WFDC3: variants seen among roughly 807,000 people sequenced by gnomAD.
The protein encoded by WFDC3 is WAP four-disulfide core domain protein 3.
In WFDC3, 15 loss-of-function variants were observed where a neutral mutation model predicts 25.8. The observed-to-expected ratio is 0.58, with a 90% CI of 0.39 to 0.89. WFDC3 has a LOEUF of 0.89. Ranked by LOEUF, WFDC3 falls within the 40% of genes least tolerant of loss-of-function variation. WFDC3 has a pLI of 0.00. For synonymous variants in WFDC3, 103 were observed against 107.1 expected, an observed-to-expected ratio of 0.96 and a Z score of 0.24; for missense variants, 264 against 289.8, an observed-to-expected ratio of 0.91 and a Z score of 0.65.
intron 2 of WFDC3, among the ~76,000 whole-genome samples, chr20:45,789,505 CAAA>C (rs112440465): frequency 7.4e-6 from 1 of 134,922 alleles, no homozygotes. Flanking sequence ...GACTCCATCT[CAAA>C]AAAAAAAAAA....
intron 5 of WFDC3, among the ~76,000 whole-genome samples, chr20:45,776,635 A>AAT (rs71181857): frequency 5.9e-4 from 55 of 92,920 alleles, no homozygotes; most frequent in Non-Finnish European, 9.0e-4. Flanking sequence ...AAAAAAAAAA[A>AAT]ATATATATAT....
intron 4 of WFDC3, among the ~76,000 whole-genome samples, chr20:45,784,497 T>G (rs1366782904): frequency 6.6e-6 from 1 of 152,216 alleles, no homozygotes; most frequent in African/African-American, 2.4e-5. Flanking sequence ...ATCCCAGCAC[T>G]TTGGGAGGCC....
chr20:45,791,347 A>C (rs1251081408), intron 1 of WFDC3, among the ~76,000 whole-genome samples: 1 of 128,628 alleles, frequency 7.8e-6, no homozygotes. Context: ...CCCAGGCTGG[A>C]GTGCAGTGGC....
At chr20:45,776,656 A>ATGTGTGTGTGTGTGTG (rs1482229487) in intron 5 of WFDC3, among the ~76,000 whole-genome samples, 1 of 104,938 alleles carries the variant, frequency 9.5e-6, no homozygotes, top group African/African-American at 3.6e-5. Flanking sequence ...ATATATATAT[A>ATGTGTGTGTGTGTGTG]TATATGTGTG....
chr20:45,779,559 G>A (rs1239886746), intron 4 of WFDC3, among the ~76,000 whole-genome samples: 2 of 152,044 alleles, frequency 1.3e-5, no homozygotes, highest in Non-Finnish European at 2.9e-5. Flanking sequence ...ACCACCAAAT[G>A]CATCTCCCTG....
chr20:45,777,123 A>G lies in WFDC3; in HGVS notation c.445T>C (p.Cys149Arg). 1 of 1,612,264 alleles carries G rather than the reference A, an allele frequency of 6.2e-7. No homozygotes were observed. Among genetic ancestry groups the G allele is most frequent in the Non-Finnish European group, 8.5e-7 (1 of 1,179,184 alleles). The change falls in exon 5 of 7, where the codon TGC becomes CGC. Residue 149 changes from cysteine to arginine, a missense_variant. Cys to Arg is a radical substitution (Grantham distance 180). Coordinates refer to ENST00000243938, the MANE Select transcript of WFDC3 (RefSeq NM_080614.2). ...GTGCGGCCACAGCCGGTGCTGCAGC[A>G]TTTATGCCCCTGGGGACAGGATGCA... ...GDASCPQGHK[C>R]CSTGCGRTCL... is the part of the protein sequence containing the mutation.
intron 4 of WFDC3, among the ~76,000 whole-genome samples, chr20:45,786,533 T>C (rs769127815): frequency 6.6e-6 from 1 of 152,224 alleles, no homozygotes; most frequent in Non-Finnish European, 1.5e-5. Flanking sequence ...TTCTCTGCCA[T>C]GAGACTATGA....
Position 45,774,319 on chromosome 20 carries a change from G to C in WFDC3, c.*109C>G. On this transcript the variant is annotated 3_prime_UTR_variant, in exon 7 of 7. Transcript: ENST00000243938. ...GGCAGGAGGAGAAGCAGAGCAGAGA[G>C]GGCCATGAGTGCCCCTGGAAATGTC... 1 of 1,456,970 alleles carries C rather than the reference G, an allele frequency of 6.9e-7. No homozygotes were observed. The allele number at this position is 1,456,970 out of a possible 1,614,324, so 90.3% of individuals were successfully genotyped here.
At chr20:45,786,921 C>A (rs1980692637) in intron 4 of WFDC3, among the ~76,000 whole-genome samples, 1 of 151,600 alleles carries the variant, frequency 6.6e-6, no homozygotes, top group Non-Finnish European at 1.5e-5. Flanking sequence ...GACGAAAACC[C>A]GTCTCTACTA....
chr20:45,778,208 T>C (rs551120360), intron 4 of WFDC3, among the ~76,000 whole-genome samples: 1 of 152,184 alleles, frequency 6.6e-6, no homozygotes, highest in Non-Finnish European at 1.5e-5. Context: ...AGATGCCCCA[T>C]GGAGACAGAA....
At chr20:45,778,547 T>C (rs1980297156) in intron 4 of WFDC3, among the ~76,000 whole-genome samples, 1 of 152,218 alleles carries the variant, frequency 6.6e-6, no homozygotes, top group Admixed American at 6.5e-5. Context: ...GAAACTTTTG[T>C]ATTCCTGACA....
intron 5 of WFDC3, 28 bp from the exon 6 acceptor site, chr20:45,775,630 G>A: frequency 1.9e-6 from 3 of 1,612,986 alleles, no homozygotes; most frequent in South Asian, 1.1e-5. Flanking sequence ...ACAGGAAAAG[G>A]GACAGGGCAT....
intron 5 of WFDC3, among the ~76,000 whole-genome samples, chr20:45,776,597 C>CAAAAAAAAA (rs1226620611): frequency 7.8e-5 from 1 of 12,870 alleles, no homozygotes; most frequent in African/African-American, 2.6e-4. Flanking sequence ...GACTCTGTCT[C>CAAAAAAAAA]AAAAAAAAAA....
At chr20:45,775,733 G>T in intron 5 of WFDC3, 131 bp from the exon 6 acceptor site, 1 of 1,178,574 alleles carries the variant, frequency 8.5e-7, no homozygotes, top group Non-Finnish European at 1.2e-6. Context: ...AACTAAACTG[G>T]CTGGGAAACC....
At chr20:45,789,845 C>T in intron 2 of WFDC3, 49 bp downstream of exon 2, 2 of 1,556,006 alleles carry the variant, frequency 1.3e-6, no homozygotes, top group East Asian at 4.5e-5. Context: ...CTCCTCTCCT[C>T]TAGTCACTTT....
intron 4 of WFDC3, among the ~76,000 whole-genome samples, chr20:45,777,871 C>T (rs1171054794): frequency 7.8e-6 from 1 of 127,892 alleles, no homozygotes; most frequent in Admixed American, 1.0e-4. Context: ...TACTAAATTG[C>T]TTTCAGGACT....
chr20:45,787,694 C>G, intron 4 of WFDC3, 142 bp downstream of exon 4: 1 of 1,155,286 alleles, frequency 8.7e-7, no homozygotes, highest in Non-Finnish European at 1.2e-6. Context: ...ATGATTATGG[C>G]TTGTGCACCC....
At position 45,777,062 on chromosome 20, in the gene WFDC3, A is replaced by G; in HGVS notation, c.493+13T>C. The G allele has an allele frequency of 6.2e-7, 1 of 1,612,322 alleles. No homozygotes were observed. Among genetic ancestry groups the G allele is most frequent in the Non-Finnish European group, 8.5e-7 (1 of 1,179,640 alleles). On this transcript the variant is annotated intron_variant, in intron 5 of 6. Coordinates refer to ENST00000243938, the MANE Select transcript of WFDC3 (RefSeq NM_080614.2). ...AAACACTCAAGGATTTCTTCCCAAA[A>G]GAGCCAACATACCTCCCTCAATGTC... is the stretch of plus-strand genomic sequence containing the variant.
intron 4 of WFDC3, among the ~76,000 whole-genome samples, chr20:45,784,814 G>T (rs1307375709): frequency 1.3e-5 from 2 of 152,298 alleles, no homozygotes; most frequent in East Asian, 3.9e-4. Context: ...TATACTGAGG[G>T]CAAAACACTT....
Sources: allele counts gnomAD v4.1 joint callset (sites outside exome capture counted in the v4.1 genomes callset), GRCh38; gene constraint gnomAD v4.1.1; transcripts MANE v1.5; gene names NCBI Gene and HGNC (gene_info 2026-07-23, HGNC 2026-07-21).